The following CPQ variants were observed in gnomAD, a reference collection of about 807,000 sequenced individuals.
The protein encoded by CPQ is carboxypeptidase Q, also known as Ser-Met dipeptidase.
Under a neutral mutation model 45.7 loss-of-function variants are expected in CPQ, and 37 were observed. The ratio of observed to expected loss-of-function variants is 0.81; its 90% CI spans 0.62 to 1.07. The LOEUF is 1.07. CPQ is among the 50% of genes least tolerant of loss of function. The probability of loss-of-function intolerance (pLI) is 0.00; values close to 1 mark genes in which losing one functional copy is unlikely to be tolerated. For missense variants in CPQ, 537 were observed against 572.9 expected (o/e 0.94, Z 0.64); for synonymous variants, 186 against 205.8 (o/e 0.90, Z 0.82).
intron 7 of CPQ, among the ~76,000 whole-genome samples, chr8:97,095,739 C>G (rs1306753135): frequency 6.6e-6 from 1 of 152,164 alleles, no homozygotes; most frequent in African/African-American, 2.4e-5. Flanking sequence ...TCTTTTAAGG[C>G]TTAGCACAGA....
intron 7 of CPQ, among the ~76,000 whole-genome samples, chr8:97,120,012 C>T (rs935129148): frequency 3.3e-5 from 5 of 152,330 alleles, no homozygotes; most frequent in Admixed American, 2.0e-4. Flanking sequence ...AGGCTTGTTT[C>T]TGTTAAAACT....
chr8:96,828,019 T>C (rs1421990460), intron 2 of CPQ, among the ~76,000 whole-genome samples: 2 of 152,116 alleles, frequency 1.3e-5, no homozygotes, highest in Admixed American at 1.3e-4. Context: ...TATAAAACTT[T>C]CCCTCATAAA....
intron 6 of CPQ, among the ~76,000 whole-genome samples, chr8:97,045,728 T>C (rs545890339): frequency 5.9e-5 from 9 of 152,198 alleles, no homozygotes; most frequent in Non-Finnish European, 1.3e-4. Context: ...CAGTAGCCCT[T>C]CTGGAAGTTC....
intron 7 of CPQ, among the ~76,000 whole-genome samples, chr8:97,078,796 TCTCTCTC>T: frequency 6.6e-6 from 1 of 150,406 alleles, no homozygotes; most frequent in Admixed American, 6.6e-5. Flanking sequence ...TCTCTCTCTC[TCTCTCTC>T]TCTCCCTCTC....
intron 2 of CPQ, 152 bp from the exon 3 acceptor site, chr8:96,834,821 C>T: frequency 1.8e-6 from 1 of 566,372 alleles, no homozygotes. Context: ...ACCCCACAGT[C>T]CTTTTCCCAT....
intron 7 of CPQ, among the ~76,000 whole-genome samples, chr8:97,066,916 C>CTTTTTTTT (rs752150876): frequency 1.7e-5 from 1 of 60,358 alleles, no homozygotes; most frequent in Admixed American, 2.4e-4. Context: ...CTGGAACAGT[C>CTTTTTTTT]TTTTTTTTTT....
At chr8:96,898,038 C>A (rs1208330803) in intron 4 of CPQ, among the ~76,000 whole-genome samples, 1 of 127,910 alleles carries the variant, frequency 7.8e-6, no homozygotes, top group African/African-American at 2.7e-5. Flanking sequence ...ATTAAGGTAT[C>A]AGGGCTTGAG....
At chr8:97,049,247 T>G (rs1315136591) in intron 6 of CPQ, among the ~76,000 whole-genome samples, 1 of 152,152 alleles carries the variant, frequency 6.6e-6, no homozygotes, top group African/African-American at 2.4e-5. Flanking sequence ...CCTTTTAAAT[T>G]TATGTGTATA....
At chr8:97,141,951 T>G (rs1401218166) in intron 7 of CPQ, among the ~76,000 whole-genome samples, 1 of 152,116 alleles carries the variant, frequency 6.6e-6, no homozygotes, top group African/African-American at 2.4e-5. Flanking sequence ...TACATATATG[T>G]GGTAAAGTAT....
intron 4 of CPQ, among the ~76,000 whole-genome samples, chr8:96,890,810 C>T (rs1812363050): frequency 6.6e-6 from 1 of 152,128 alleles, no homozygotes; most frequent in Admixed American, 6.5e-5. Flanking sequence ...GTAGCAGGAA[C>T]AGAAAACAAG....
At chr8:96,888,525 G>A (rs556402051) in intron 4 of CPQ, among the ~76,000 whole-genome samples, 1 of 152,330 alleles carries the variant, frequency 6.6e-6, no homozygotes, top group East Asian at 1.9e-4. Context: ...CCTTTCTAAA[G>A]CTGGTGCTGG....
intron 4 of CPQ, among the ~76,000 whole-genome samples, chr8:96,904,214 C>T (rs1341589871): frequency 2.5e-5 from 2 of 80,700 alleles, no homozygotes; most frequent in Non-Finnish European, 4.5e-5. Context: ...TAAAGCTCTC[C>T]TCTCCCAACA....
intron 5 of CPQ, among the ~76,000 whole-genome samples, chr8:96,986,836 T>G (rs1301878272): frequency 1.3e-5 from 2 of 152,190 alleles, no homozygotes; most frequent in East Asian, 3.8e-4. Context: ...TATACCCCTA[T>G]GTACTATTAT....
rs377517050 is a variant in CPQ, at chr8:97,005,439, C to A, written c.962-23964C>A. Among the ~76,000 whole-genome samples, 9 of 151,864 alleles carry A rather than the reference C, an allele frequency of 5.9e-5. No individual in the cohort carries two copies. The East Asian group carries it at 1.2e-3, about 20-fold the overall frequency. ...TTTTGAAGCCAGGTGCAGTGGCTCA[C>A]GCCTGTAATCCCAGAACTTTGGGAG... is the stretch of plus-strand genomic sequence containing the variant. On this transcript the variant is annotated intron_variant, in intron 5 of 7. Transcript: ENST00000220763.
intron 1 of CPQ, among the ~76,000 whole-genome samples, chr8:96,759,428 G>A (rs1032768678): frequency 1.3e-5 from 2 of 152,052 alleles, no homozygotes; most frequent in Admixed American, 6.6e-5. Context: ...CTTCTGGGAT[G>A]ATTATTATAT....
At chr8:96,919,598 A>G (rs1204027891) in intron 4 of CPQ, among the ~76,000 whole-genome samples, 2 of 152,174 alleles carry the variant, frequency 1.3e-5, no homozygotes, top group Non-Finnish European at 2.9e-5. Flanking sequence ...TTAAAGCCTT[A>G]AACTGGTTTT....
intron 4 of CPQ, among the ~76,000 whole-genome samples, chr8:96,956,962 G>C (rs944973273): frequency 6.6e-6 from 1 of 152,232 alleles, no homozygotes; most frequent in Non-Finnish European, 1.5e-5. Flanking sequence ...GCCTTTCAAA[G>C]TAAAGTTGGC....
At chr8:97,099,584 G>A (rs2130577390) in intron 7 of CPQ, among the ~76,000 whole-genome samples, 1 of 151,210 alleles carries the variant, frequency 6.6e-6, no homozygotes, top group African/African-American at 2.4e-5. Flanking sequence ...GTTTCTCCTA[G>A]TGCTAAATTC....
At chr8:96,992,892 A>C (rs1275604146) in intron 5 of CPQ, among the ~76,000 whole-genome samples, 1 of 152,104 alleles carries the variant, frequency 6.6e-6, no homozygotes, top group African/African-American at 2.4e-5. Flanking sequence ...TGTTAACACA[A>C]ATTGGAGGGA....
Sources: gnomAD v4.1 joint callset for allele counts (sites outside exome capture counted in the v4.1 genomes callset) on GRCh38, gnomAD v4.1.1 for gene constraint, MANE v1.5 for transcripts, NCBI Gene and HGNC (gene_info 2026-07-23, HGNC 2026-07-21) for gene names.